Variants in DLG2 observed in about 807,000 individuals in gnomAD.
DLG2 encodes disks large homolog 2.
DLG2 carries 45 observed loss-of-function variants against 132.5 expected under a neutral mutation model. That is an observed-to-expected ratio of 0.34 (90% confidence interval 0.27 to 0.44). The LOEUF is 0.44. Ranked by LOEUF, DLG2 falls within the 20% of genes least tolerant of loss-of-function variation. The pLI, the probability that DLG2 is intolerant of heterozygous loss-of-function variation, is 1.00. For synonymous variants in DLG2, 424 were observed against 419.6 expected (o/e 1.01, Z -0.13); for missense variants, 1,045 against 1,196.9 (o/e 0.87, Z 1.87).
At chr11:84,961,974 C>A (rs1006011026) in intron 6 of DLG2, among the ~76,000 whole-genome samples, 133 of 152,306 alleles carry the variant, frequency 8.7e-4, no homozygotes, top group African/African-American at 3.1e-3. Flanking sequence ...CTCTAACAGC[C>A]CCTGCCACTG....
At chr11:84,474,705 T>C (rs1475644446) in intron 7 of DLG2, among the ~76,000 whole-genome samples, 1 of 152,086 alleles carries the variant, frequency 6.6e-6, no homozygotes, top group Non-Finnish European at 1.5e-5. Flanking sequence ...CTGCTACTAC[T>C]ACCAGTAGTA....
At chr11:85,187,517 T>C (rs2080200312) in intron 4 of DLG2, among the ~76,000 whole-genome samples, 2 of 151,948 alleles carry the variant, frequency 1.3e-5, no homozygotes, top group South Asian at 2.1e-4. Context: ...AAAGGAAGTA[T>C]AAAAACTAGA....
chr11:85,367,053 G>C (rs2084613357), intron 3 of DLG2, among the ~76,000 whole-genome samples: 1 of 152,074 alleles, frequency 6.6e-6, no homozygotes, highest in African/African-American at 2.4e-5. Flanking sequence ...CCTTGTTACT[G>C]AATTTAATGG....
At chr11:84,818,313 G>A (rs560413272) in intron 6 of DLG2, among the ~76,000 whole-genome samples, 13 of 151,996 alleles carry the variant, frequency 8.6e-5, no homozygotes, top group Admixed American at 5.9e-4. Flanking sequence ...TGTATGTTTC[G>A]AAATGGAAGT....
intron 10 of DLG2, among the ~76,000 whole-genome samples, chr11:84,069,309 G>A (rs1316701427): frequency 6.6e-6 from 1 of 152,122 alleles, no homozygotes; most frequent in Non-Finnish European, 1.5e-5. Context: ...AGACCCAACT[G>A]AGTATGTGAT....
intron 6 of DLG2, among the ~76,000 whole-genome samples, chr11:84,590,442 G>A (rs2099540058): frequency 6.6e-6 from 1 of 152,168 alleles, no homozygotes; most frequent in Non-Finnish European, 1.5e-5. Context: ...TAAAATTCCT[G>A]ACAGCGCCTT....
chr11:83,476,800 T>C lies in DLG2; in HGVS notation c.2294-4023A>G, dbSNP rs1003582332. ...GCAGGCAGCCTCTTGGAGCTTCGGC[T>C]TCCTCATATGGAAATGGGGCTATTA... On this transcript the variant is annotated intron_variant, in intron 22 of 27. Coordinates refer to ENST00000376104, the MANE Select transcript of DLG2 (RefSeq NM_001142699.3). Among the ~76,000 whole-genome samples, 7 of 152,252 alleles carry C rather than the reference T, an allele frequency of 4.6e-5. No individual in the cohort carries two copies. In the East Asian group the frequency reaches 5.8e-4, roughly 13 times the overall value.
intron 21 of DLG2, among the ~76,000 whole-genome samples, chr11:83,496,280 C>T (rs1448555798): frequency 2.6e-5 from 4 of 151,120 alleles, no homozygotes; most frequent in Non-Finnish European, 5.9e-5. Context: ...CACTTGATAC[C>T]CACCAGAGTA....
chr11:85,596,852 A>C (rs1354656173), intron 3 of DLG2, among the ~76,000 whole-genome samples: 5 of 152,240 alleles, frequency 3.3e-5, no homozygotes, highest in Non-Finnish European at 1.5e-5. Flanking sequence ...ATAATAATAG[A>C]TTACTAATCA....
chr11:84,050,635 G>A (rs1322045138), intron 11 of DLG2, among the ~76,000 whole-genome samples: 1 of 151,978 alleles, frequency 6.6e-6, no homozygotes, highest in Non-Finnish European at 1.5e-5. Context: ...TTTCTTCTAG[G>A]TTTGTATGGT....
At chr11:83,707,498 C>T (rs995585369) in intron 18 of DLG2, among the ~76,000 whole-genome samples, 5 of 152,126 alleles carry the variant, frequency 3.3e-5, no homozygotes, top group African/African-American at 1.2e-4. Flanking sequence ...GGTGAAAACC[C>T]ATCTTTATTA....
At chr11:85,149,311 T>A (rs1446699336) in intron 5 of DLG2, among the ~76,000 whole-genome samples, 1 of 152,230 alleles carries the variant, frequency 6.6e-6, no homozygotes, top group Non-Finnish European at 1.5e-5. Flanking sequence ...TTGACGGGAA[T>A]AGCATTGAAT....
intron 3 of DLG2, among the ~76,000 whole-genome samples, chr11:85,527,753 A>G (rs574857707): frequency 6.6e-6 from 1 of 152,256 alleles, no homozygotes; most frequent in South Asian, 2.1e-4. Context: ...CTGGTTTTAG[A>G]TCCTTGAGGC....
intron 6 of DLG2, among the ~76,000 whole-genome samples, chr11:84,917,750 G>C (rs767313906): frequency 4.6e-5 from 7 of 152,106 alleles, no homozygotes; most frequent in African/African-American, 7.2e-5. Flanking sequence ...AATGGGCTTT[G>C]TTAGAAATTG....
chr11:85,125,570 T>C (rs905757463), intron 5 of DLG2, among the ~76,000 whole-genome samples: 1 of 152,144 alleles, frequency 6.6e-6, no homozygotes, highest in Non-Finnish European at 1.5e-5. Flanking sequence ...GCAAAGTATA[T>C]TATCAAGAGT....
In DLG2 at chr11:84,023,229, A is replaced by G. The variant is rs529166077; in HGVS notation, c.919+36086T>C. The stretch of plus-strand genomic sequence containing the variant: ...AAACAGTTCTTAAATGTAGTATTCA[A>G]TAAGTTGATTCCTGAACATTTTCCT... On this transcript the variant is annotated intron_variant, in intron 11 of 27. Coordinates refer to ENST00000376104, the MANE Select transcript of DLG2 (RefSeq NM_001142699.3). 5.9e-5 allele frequency among the ~76,000 whole-genome samples: 9 copies of G among 152,294 alleles called. No homozygotes were observed. The South Asian group carries it at 1.9e-3, about 32-fold the overall frequency.
intron 7 of DLG2, chr11:84,317,068 G>T (rs749904444): frequency 3.7e-6 from 6 of 1,612,746 alleles, no homozygotes; most frequent in East Asian, 2.2e-5. Context: ...CCCTGATCAG[G>T]GTGGGCGCAC....
intron 7 of DLG2, among the ~76,000 whole-genome samples, chr11:84,496,978 A>G (rs2099186274): frequency 1.3e-5 from 2 of 152,184 alleles, no homozygotes; most frequent in Non-Finnish European, 2.9e-5. Context: ...ATAGGTTAAG[A>G]GGTAGCCAGG....
At chr11:83,551,837 G>T (rs1289522429) in intron 19 of DLG2, among the ~76,000 whole-genome samples, 2 of 152,110 alleles carry the variant, frequency 1.3e-5, no homozygotes, top group Non-Finnish European at 2.9e-5. Flanking sequence ...TATTAAATGT[G>T]ATATTATTTT....
Sources: allele counts gnomAD v4.1 joint callset (sites outside exome capture counted in the v4.1 genomes callset), GRCh38; gene constraint gnomAD v4.1.1; transcripts MANE v1.5; gene names NCBI Gene and HGNC (gene_info 2026-07-23, HGNC 2026-07-21).